Variants in CELF1 observed in about 807,000 individuals in gnomAD.
CELF1 encodes the protein 50 kDa nuclear polyadenylated RNA-binding protein.
Under a neutral mutation model 61.8 loss-of-function variants are expected in CELF1, and 10 were observed. The observed-to-expected ratio is 0.16, with a 90% confidence interval of 0.10 to 0.27. The LOEUF is 0.27. Ranked by LOEUF, CELF1 falls within the 10% of genes least tolerant of loss-of-function variation. The pLI is 1.00. For missense variants in CELF1, 380 were observed against 639.1 expected, an observed-to-expected ratio of 0.59 and a Z score of 4.37; for synonymous variants, 236 against 225.1, an observed-to-expected ratio of 1.05 and a Z score of -0.43.
At chr11:47,526,159 G>A (rs913895848) in intron 1 of CELF1, among the ~76,000 whole-genome samples, 6 of 152,126 alleles carry the variant, frequency 3.9e-5, no homozygotes, top group African/African-American at 4.8e-5. Context: ...GAGAAACCCC[G>A]TCTTTACTAA....
chr11:47,498,602 T>C (rs1329085726), intron 3 of CELF1, among the ~76,000 whole-genome samples: 2 of 152,194 alleles, frequency 1.3e-5, no homozygotes, highest in Non-Finnish European at 2.9e-5. Context: ...ATTCTTGGCT[T>C]TGAATAACCT....
intron 2 of CELF1, among the ~76,000 whole-genome samples, chr11:47,559,796 G>C (rs912994286): frequency 6.6e-5 from 10 of 152,098 alleles, no homozygotes; most frequent in Non-Finnish European, 1.5e-5. Flanking sequence ...GAGGTCAGGA[G>C]TTCGAGACCA....
intron 3 of CELF1, among the ~76,000 whole-genome samples, chr11:47,491,527 C>T (rs1044266852): frequency 4.6e-5 from 7 of 152,176 alleles, no homozygotes; most frequent in African/African-American, 1.4e-4. Context: ...CTAGCACTAT[C>T]TAAATTCAAA....
At chr11:47,486,723 A>C in intron 6 of CELF1, 27 bp downstream of exon 6, 1 of 1,596,042 alleles carries the variant, frequency 6.3e-7, no homozygotes, top group South Asian at 1.1e-5. Context: ...AGAAATCTTA[A>C]GGGGAAGATT....
chr11:47,555,237 C>A (rs769385623), upstream of CELF1, among the ~76,000 whole-genome samples: 38 of 152,198 alleles, frequency 2.5e-4, no homozygotes, highest in Non-Finnish European at 1.6e-4. Flanking sequence ...AGGAAAGGCA[C>A]CATGCCCGTC....
At chr11:47,532,420 G>A (rs1016741609) in intron 1 of CELF1, among the ~76,000 whole-genome samples, 2 of 152,168 alleles carry the variant, frequency 1.3e-5, no homozygotes, top group African/African-American at 4.8e-5. Flanking sequence ...CCAGTACAGG[G>A]GCTTTTGCCA....
chr11:47,551,307 A>T (rs1367449871), intron 1 of CELF1, among the ~76,000 whole-genome samples: 1 of 152,230 alleles, frequency 6.6e-6, no homozygotes, highest in African/African-American at 2.4e-5. Flanking sequence ...GTGGACTGTC[A>T]TGAGGAAAGA....
At chr11:47,545,520 GTTA>G (rs540308722) in intron 1 of CELF1, among the ~76,000 whole-genome samples, 88 of 152,182 alleles carry the variant, frequency 5.8e-4, no homozygotes, top group Admixed American at 1.2e-3. Context: ...TTATTAAGAG[GTTA>G]TTAAGAGGTT....
At chr11:47,560,980 T>C (rs1274047403) in intron 2 of CELF1, among the ~76,000 whole-genome samples, 1 of 146,770 alleles carries the variant, frequency 6.8e-6, no homozygotes, top group Non-Finnish European at 1.5e-5. Context: ...CTACTAAAAA[T>C]ACAAAAAATT....
chr11:47,553,963 C>A (rs945454863), upstream of CELF1, among the ~76,000 whole-genome samples: 2 of 151,980 alleles, frequency 1.3e-5, no homozygotes, highest in African/African-American at 4.8e-5. Context: ...AGGTTCCAGA[C>A]CTTGTGAGGC....
rs750917434 is a variant in CELF1 at position 47,488,850 on chromosome 11, C to G, written c.246G>C (p.Pro82=). 1 of 1,554,998 alleles carries G rather than the reference C, an allele frequency of 6.4e-7. No individual in the cohort carries two copies. Among genetic ancestry groups the G allele is most frequent in the Non-Finnish European group, 8.7e-7 (1 of 1,152,872 alleles). ...CAAAGCCCTAACCTTTGCTCTGAGG[C>G]GGGTTTTGGCTCCTATCCCTTAGGA... The part of the protein sequence containing the change: ...INVLRDRSQN[P]PQSKGCCFVT... Residue 82 remains proline, a synonymous_variant, in exon 4 of 15, where the codon CCG becomes CCC. Transcript: ENST00000687097.
chr11:47,502,917 G>A (rs1460816573), intron 1 of CELF1, among the ~76,000 whole-genome samples: 1 of 152,074 alleles, frequency 6.6e-6, no homozygotes, highest in East Asian at 1.9e-4. Flanking sequence ...TATAACCAAG[G>A]GTCTGCTGCA....
chr11:47,563,756 T>TA (rs780909840), intron 2 of CELF1, among the ~76,000 whole-genome samples: 1 of 151,710 alleles, frequency 6.6e-6, no homozygotes, highest in Non-Finnish European at 1.5e-5. Context: ...CATGGTGGCT[T>TA]ATGCCTGTAA....
At position 47,551,296 on chromosome 11, in the gene CELF1, G is replaced by A. The variant is rs112496881; in HGVS notation, c.-154+1696C>T. 1.8e-3 allele frequency among the ~76,000 whole-genome samples: 271 copies of A among 152,240 alleles called. 1 individual carries two copies. The highest frequency in any genetic ancestry group is 3.2e-3 in the Non-Finnish European group (215 of 68,006). ...AAGGCCATTCTTAATGGAAACAGGTGGTGGACTGTCATGAGGAAAGAACCA... is the reference window on the plus strand; with the variant it reads ...AAGGCCATTCTTAATGGAAACAGGTAGTGGACTGTCATGAGGAAAGAACCA... On this transcript the variant is annotated intron_variant, in intron 1 of 14. Transcript: ENST00000687097.
rs540062715 is a variant in CELF1, at chr11:47,471,881, C to T, written c.*349G>A. 4.2e-5 allele frequency: 8 copies of T among 191,056 alleles called. No homozygotes were observed. Among genetic ancestry groups the T allele is most frequent in the African/African-American group, 1.8e-4 (8 of 43,708 alleles). 11.8% of individuals were successfully genotyped at this position (191,056 alleles called of 1,614,324 possible). On this transcript the variant is annotated 3_prime_UTR_variant, in exon 15 of 15. Coordinates refer to ENST00000687097, the MANE Select transcript of CELF1 (RefSeq NM_001376376.1). ...TCTGTGTTAAATGTTTCCCTGTCCC[C>T]CTTCCCCAGGGTGGTTTGGTGTTGG... is the stretch of plus-strand genomic sequence containing the variant.
intron 9 of CELF1, among the ~76,000 whole-genome samples, chr11:47,481,041 T>TA (rs1279619355): frequency 3.4e-5 from 5 of 145,122 alleles, no homozygotes; most frequent in African/African-American, 1.0e-4. Flanking sequence ...TATATTTTTT[T>TA]AAAAAAACTT....
At chr11:47,494,322 T>TA in intron 3 of CELF1, 1 of 902,566 alleles carries the variant, frequency 1.1e-6, no homozygotes, top group Non-Finnish European at 1.3e-6. Flanking sequence ...GAAGCAGTAA[T>TA]AGTAATACCT....
chr11:47,472,487 G>T, intron 14 of CELF1, 130 bp from the exon 15 acceptor site: 1 of 953,496 alleles, frequency 1.0e-6, no homozygotes, highest in Non-Finnish European at 1.6e-6. Flanking sequence ...AAGAAATCTG[G>T]ACATTATGTC....
chr11:47,562,359 C>G (rs192681194), intron 2 of CELF1, among the ~76,000 whole-genome samples: 172 of 151,626 alleles, frequency 1.1e-3, no homozygotes, highest in Middle Eastern at 6.8e-3. Context: ...AAGCCTGTCT[C>G]TACCAAAAAT....
Sources: gnomAD v4.1 joint callset for allele counts (sites outside exome capture counted in the v4.1 genomes callset) on GRCh38, gnomAD v4.1.1 for gene constraint, MANE v1.5 for transcripts, NCBI Gene and HGNC (gene_info 2026-07-23, HGNC 2026-07-21) for gene names.